Variants in RASSF8 observed in about 807,000 individuals in gnomAD.
The protein encoded by RASSF8 is ras association domain-containing protein 8.
RASSF8 carries 22 observed loss-of-function variants against 48.5 expected under a neutral mutation model. The ratio of observed to expected loss-of-function variants is 0.45; its 90% confidence interval spans 0.32 to 0.65. RASSF8 has a LOEUF of 0.65. Among genes scored for constraint, RASSF8 ranks in the 30% least tolerant of loss-of-function variants. The pLI is 0.03. For missense variants in RASSF8, 418 were observed against 489.2 expected (o/e 0.85, Z 1.37); for synonymous variants, 127 against 171.5 (o/e 0.74, Z 2.03).
intron 1 of RASSF8, among the ~76,000 whole-genome samples, chr12:25,965,679 A>C (rs1026764216): frequency 6.6e-6 from 1 of 152,204 alleles, no homozygotes. Context: ...TCTCCTTTGT[A>C]ATTTATCTTC....
At chr12:25,959,390 G>A (rs951034085) in intron 1 of RASSF8, 3 of 152,296 alleles carry the variant, frequency 2.0e-5, no homozygotes, top group Admixed American at 6.5e-5. Context: ...TGAAAAGTAC[G>A]AGCTTGGTCT....
At chr12:26,027,321 A>C (rs1216638880) in intron 2 of RASSF8, among the ~76,000 whole-genome samples, 3 of 152,250 alleles carry the variant, frequency 2.0e-5, no homozygotes, top group Admixed American at 6.5e-5. Context: ...TATGCCTTAA[A>C]GTGAATTGTA....
At chr12:25,998,820 AAT>A (rs1262815240) in intron 2 of RASSF8, among the ~76,000 whole-genome samples, 1 of 152,116 alleles carries the variant, frequency 6.6e-6, no homozygotes, top group African/African-American at 2.4e-5. Flanking sequence ...AAACTTGGAA[AAT>A]AAATAGGGAG....
intron 2 of RASSF8, among the ~76,000 whole-genome samples, chr12:25,997,673 A>T (rs1348820545): frequency 6.6e-6 from 1 of 152,170 alleles, no homozygotes; most frequent in East Asian, 1.9e-4. Flanking sequence ...ACTACTTGGT[A>T]GGAGGGGGGT....
chr12:26,027,835 A>G (rs897265820), intron 2 of RASSF8, among the ~76,000 whole-genome samples: 6 of 152,190 alleles, frequency 3.9e-5, no homozygotes, highest in Non-Finnish European at 8.8e-5. Flanking sequence ...TGAGCCAGAA[A>G]TTCAATAATG....
At chr12:25,981,832 T>C (rs1405678750) in intron 1 of RASSF8, among the ~76,000 whole-genome samples, 1 of 152,248 alleles carries the variant, frequency 6.6e-6, no homozygotes, top group African/African-American at 2.4e-5. Flanking sequence ...TGATTATTTC[T>C]GTATTACAGC....
chr12:26,051,806 C>G (rs891078311), intron 2 of RASSF8, among the ~76,000 whole-genome samples: 2 of 152,174 alleles, frequency 1.3e-5, no homozygotes, highest in African/African-American at 4.8e-5. Context: ...TGAGTGCTTA[C>G]TGATTCATTA....
intron 3 of RASSF8, among the ~76,000 whole-genome samples, chr12:26,060,542 G>A (rs1943719939): frequency 6.6e-6 from 1 of 152,036 alleles, no homozygotes; most frequent in Non-Finnish European, 1.5e-5. Flanking sequence ...TTAACTCACA[G>A]AACTAACTAA....
At chr12:26,035,205 G>A (rs1053596199) in intron 2 of RASSF8, among the ~76,000 whole-genome samples, 1 of 151,790 alleles carries the variant, frequency 6.6e-6, no homozygotes, top group East Asian at 1.9e-4. Flanking sequence ...TAAGTTGTAG[G>A]GTTTAGTGAT....
chr12:26,077,416 A>G (rs1049878567), downstream of RASSF8, among the ~76,000 whole-genome samples: 1 of 152,164 alleles, frequency 6.6e-6, no homozygotes, highest in Non-Finnish European at 1.5e-5. Context: ...TAAGTCCTTA[A>G]TCCATCTTGA....
chr12:26,041,862 G>C (rs1247125212), intron 2 of RASSF8, among the ~76,000 whole-genome samples: 1 of 152,018 alleles, frequency 6.6e-6, no homozygotes, highest in African/African-American at 2.4e-5. Context: ...TATTGTACCT[G>C]TCTTAGTTTT....
In RASSF8 at chr12:26,030,660, A is replaced by G. The variant is rs550202223; in HGVS notation, c.-108-24576A>G. Among the ~76,000 whole-genome samples the G allele has an allele frequency of 1.4e-4, 22 of 152,126 alleles. No homozygotes were observed. The East Asian group carries it at 3.9e-3, about 27-fold the overall frequency. The stretch of plus-strand genomic sequence containing the variant: ...AATAATATTTAACTTCTTTCTTTTC[A>G]AACCAAATAGACATCCCCGAAGTTA... On this transcript the variant is annotated intron_variant, in intron 2 of 5. Transcript: ENST00000689635.
At chr12:25,989,924 C>G (rs1309733234) in intron 1 of RASSF8, among the ~76,000 whole-genome samples, 1 of 152,106 alleles carries the variant, frequency 6.6e-6, no homozygotes, top group Non-Finnish European at 1.5e-5. Flanking sequence ...CAGGGCTCCA[C>G]CGTTTACTAG....
At chr12:26,032,505 T>C (rs1943050139) in intron 2 of RASSF8, among the ~76,000 whole-genome samples, 1 of 152,186 alleles carries the variant, frequency 6.6e-6, no homozygotes, top group South Asian at 2.1e-4. Flanking sequence ...TTGTGACATG[T>C]GAATTTTTAG....
chr12:26,034,604 G>C (rs941696890), intron 2 of RASSF8, among the ~76,000 whole-genome samples: 1 of 151,928 alleles, frequency 6.6e-6, no homozygotes, highest in Non-Finnish European at 1.5e-5. Context: ...TAATCTTAGG[G>C]GGGAGAAAAA....
intron 1 of RASSF8, among the ~76,000 whole-genome samples, chr12:25,967,314 T>C (rs984939982): frequency 6.6e-6 from 1 of 152,212 alleles, no homozygotes; most frequent in Non-Finnish European, 1.5e-5. Context: ...CTCTCTGTTA[T>C]AATAATAAAG....
chr12:26,011,359 A>T (rs935901425), intron 2 of RASSF8, among the ~76,000 whole-genome samples: 15 of 152,168 alleles, frequency 9.9e-5, no homozygotes, highest in African/African-American at 3.4e-4. Context: ...TTCCAAAAAG[A>T]TTAGCCAGAT....
chr12:26,058,292 G>A (rs1038824906), intron 3 of RASSF8, among the ~76,000 whole-genome samples: 1 of 152,154 alleles, frequency 6.6e-6, no homozygotes, highest in Non-Finnish European at 1.5e-5. Flanking sequence ...CGAGAGCTGT[G>A]GATCCTGATT....
intron 2 of RASSF8, among the ~76,000 whole-genome samples, chr12:26,013,853 G>A (rs569859241): frequency 7.1e-4 from 108 of 152,202 alleles, no homozygotes; most frequent in South Asian, 1.2e-3. Context: ...GAAATTCTTC[G>A]TAGTGTAATT....
Sources: gnomAD v4.1 joint callset for allele counts (sites outside exome capture counted in the v4.1 genomes callset) on GRCh38, gnomAD v4.1.1 for gene constraint, MANE v1.5 for transcripts, NCBI Gene and HGNC (gene_info 2026-07-23, HGNC 2026-07-21) for gene names.